Variants in HERPUD2 observed in about 807,000 individuals in gnomAD.
The protein encoded by HERPUD2 is HERPUD family member 2.
Under a neutral mutation model 49.9 loss-of-function variants are expected in HERPUD2, and 13 were observed. The ratio of observed to expected loss-of-function variants is 0.26; its 90% confidence interval spans 0.17 to 0.41. HERPUD2 has a LOEUF of 0.41. HERPUD2 is among the 10% of genes least tolerant of loss of function. The pLI is 1.00. For synonymous variants in HERPUD2, 172 were observed against 171.4 expected, an observed-to-expected ratio of 1.00 and a Z score of -0.03; for missense variants, 449 against 492.2, an observed-to-expected ratio of 0.91 and a Z score of 0.83.
At chr7:35,680,908 C>T (rs887964701) in intron 2 of HERPUD2, among the ~76,000 whole-genome samples, 2 of 152,210 alleles carry the variant, frequency 1.3e-5, no homozygotes, top group Non-Finnish European at 2.9e-5. Flanking sequence ...TACTGTGCCT[C>T]ACAGAGTATA....
chr7:35,680,134 T>C (rs1297441496), intron 2 of HERPUD2, among the ~76,000 whole-genome samples: 4 of 152,206 alleles, frequency 2.6e-5, no homozygotes, highest in East Asian at 3.8e-4. Flanking sequence ...CAGCCAGGCA[T>C]GGTGGTTCAT....
At chr7:35,651,261 C>T (rs1166674112) in intron 5 of HERPUD2, among the ~76,000 whole-genome samples, 1 of 151,962 alleles carries the variant, frequency 6.6e-6, no homozygotes, top group Admixed American at 6.6e-5. Context: ...AACAAGCTGA[C>T]TGGAGGCCCC....
intron 8 of HERPUD2, among the ~76,000 whole-genome samples, chr7:35,634,102 C>T (rs186178951): frequency 2.0e-5 from 3 of 152,202 alleles, no homozygotes; most frequent in South Asian, 2.1e-4. Context: ...AAAAAAGTTA[C>T]TTCTTCCCAT....
At chr7:35,650,464 C>T (rs1785140225) in intron 5 of HERPUD2, among the ~76,000 whole-genome samples, 1 of 152,040 alleles carries the variant, frequency 6.6e-6, no homozygotes, top group African/African-American at 2.4e-5. Context: ...CACAATGGGT[C>T]CCACACACCT....
chr7:35,668,887 T>C (rs141278072), intron 4 of HERPUD2, among the ~76,000 whole-genome samples: 180 of 152,272 alleles, frequency 1.2e-3, no homozygotes, highest in African/African-American at 4.3e-3. Context: ...TCTGACCTTA[T>C]TAGGTAATTA....
intron 2 of HERPUD2, among the ~76,000 whole-genome samples, chr7:35,676,895 T>C (rs1296741060): frequency 6.6e-6 from 1 of 152,210 alleles, no homozygotes; most frequent in Non-Finnish European, 1.5e-5. Flanking sequence ...GTTTAAGATT[T>C]CTCATTGATC....
rs1785770071 is a variant in HERPUD2 at position 35,676,810 on chromosome 7, A to C, written c.148-3532T>G. On this transcript the variant is annotated intron_variant, in intron 2 of 8. Coordinates refer to ENST00000311350, the MANE Select transcript of HERPUD2 (RefSeq NM_022373.5). ...ATAAATACCTGCCATTAGCAAATGT[A>C]CTAATTTGTTTTATCCTACTACATG... 2.0e-5 allele frequency among the ~76,000 whole-genome samples: 3 copies of C among 152,318 alleles called. No homozygotes were observed. In the South Asian group the frequency reaches 6.2e-4, roughly 32 times the overall value.
At chr7:35,656,548 A>G (rs1785279206) in intron 5 of HERPUD2, among the ~76,000 whole-genome samples, 1 of 152,172 alleles carries the variant, frequency 6.6e-6, no homozygotes, top group Admixed American at 6.6e-5. Context: ...GGCATCACAC[A>G]ATTTGACTTG....
At chr7:35,640,289 C>T (rs182404406) in intron 5 of HERPUD2, among the ~76,000 whole-genome samples, 2 of 152,208 alleles carry the variant, frequency 1.3e-5, no homozygotes, top group Admixed American at 1.3e-4. Context: ...AAAAACCCAT[C>T]CCCTTGAAAG....
intron 2 of HERPUD2, among the ~76,000 whole-genome samples, chr7:35,675,202 G>A (rs1260234146): frequency 6.6e-6 from 1 of 152,196 alleles, no homozygotes; most frequent in Non-Finnish European, 1.5e-5. Flanking sequence ...ATTATCTGCA[G>A]AACTCCTTGT....
intron 2 of HERPUD2, among the ~76,000 whole-genome samples, chr7:35,691,746 A>C (rs1290665654): frequency 6.6e-6 from 1 of 152,186 alleles, no homozygotes; most frequent in Non-Finnish European, 1.5e-5. Flanking sequence ...CTTAATAGCA[A>C]ACTGTGCTGA....
chr7:35,664,556 T>C (rs894955974), intron 5 of HERPUD2, among the ~76,000 whole-genome samples: 1 of 152,230 alleles, frequency 6.6e-6, no homozygotes, highest in Non-Finnish European at 1.5e-5. Context: ...TCTTCTCACA[T>C]AGTCCCATAT....
intron 2 of HERPUD2, among the ~76,000 whole-genome samples, chr7:35,679,636 T>C (rs1785836652): frequency 6.6e-6 from 1 of 152,230 alleles, no homozygotes; most frequent in Non-Finnish European, 1.5e-5. Flanking sequence ...CAGAGTCTGC[T>C]AAATTTCCCA....
At position 35,634,407 on chromosome 7, in the gene HERPUD2, A is replaced by G; in HGVS notation, c.964T>C (p.Phe322Leu). 6.2e-7 allele frequency: 1 copy of G among 1,613,150 alleles called. No individual in the cohort carries two copies. Among genetic ancestry groups the G allele is most frequent in the Non-Finnish European group, 8.5e-7 (1 of 1,179,146 alleles). Residue 322 changes from phenylalanine (F) to leucine (L), a missense_variant, in exon 8 of 9, where the codon TTT (phenylalanine) becomes CTT (leucine). Phe to Leu is a conservative substitution (Grantham distance 22, BLOSUM62 0). Coordinates refer to ENST00000311350, the MANE Select transcript of HERPUD2 (RefSeq NM_022373.5). ...VYLHQAGWFP[F>L]RQEGGHQQAP... The stretch of plus-strand genomic sequence containing the variant: ...TGCTGATGACCTCCTTCTTGCCTAA[A>G]AGGAAACCATCCAGCTTGGTGTCTG...
chr7:35,633,804 T>G lies in HERPUD2; in HGVS notation c.1107A>C (p.Gly369=). 6.2e-7 allele frequency: 1 copy of G among 1,614,012 alleles called. No individual in the cohort carries two copies. The highest frequency in any genetic ancestry group is 1.1e-5 in the South Asian group (1 of 91,082). Residue 369 remains glycine, a synonymous_variant, in exon 9 of 9, where the codon GGA becomes GGC. Coordinates refer to ENST00000311350, the MANE Select transcript of HERPUD2 (RefSeq NM_022373.5). The stretch of plus-strand genomic sequence containing the variant: ...TTTGAATTGCACTGGCATCTTCACC[T>G]CCATCTTCTCCACTCTCATCTTCAA... ...DGLEDESGED[G]GEDASAIQRP...
intron 2 of HERPUD2, among the ~76,000 whole-genome samples, chr7:35,688,212 C>G (rs538375665): frequency 1.1e-4 from 16 of 152,292 alleles, no homozygotes; most frequent in African/African-American, 3.9e-4. Flanking sequence ...TACTAGAACA[C>G]ATCTCCTTCC....
chr7:35,660,616 C>T lies in HERPUD2; in HGVS notation c.494+6818G>A, dbSNP rs529818855. Among the ~76,000 whole-genome samples, 11 of 152,302 alleles carry T rather than the reference C, an allele frequency of 7.2e-5. No individual in the cohort carries two copies. In the East Asian group the frequency reaches 9.6e-4, roughly 13 times the overall value. On this transcript the variant is annotated intron_variant, in intron 5 of 8. Transcript: ENST00000311350. Reference sequence around the variant, plus strand: ...CTCGTTGTGGTTTTGATTTGCATTTCGCTGATGGTCAGTGATGATGAGCAT... The same window carrying T: ...CTCGTTGTGGTTTTGATTTGCATTTTGCTGATGGTCAGTGATGATGAGCAT...
chr7:35,661,240 C>T (rs1019588026), intron 5 of HERPUD2, among the ~76,000 whole-genome samples: 1 of 152,120 alleles, frequency 6.6e-6, no homozygotes, highest in South Asian at 2.1e-4. Flanking sequence ...TAGTCTATAT[C>T]TCTGTTTTGG....
At chr7:35,650,549 G>A (rs1785142758) in intron 5 of HERPUD2, among the ~76,000 whole-genome samples, 1 of 152,104 alleles carries the variant, frequency 6.6e-6, no homozygotes, top group Non-Finnish European at 1.5e-5. Flanking sequence ...CTGCCCTGGG[G>A]CCCAAGAACT....
Sources: gnomAD v4.1 joint callset for allele counts (sites outside exome capture counted in the v4.1 genomes callset) on GRCh38, gnomAD v4.1.1 for gene constraint, MANE v1.5 for transcripts, NCBI Gene and HGNC (gene_info 2026-07-23, HGNC 2026-07-21) for gene names.